The following PCNT variants were observed in gnomAD, a reference collection of about 807,000 sequenced individuals.
The protein encoded by PCNT is pericentrin.
In PCNT, 319 loss-of-function variants were observed where a neutral mutation model predicts 380.4. That is an observed-to-expected ratio of 0.84 (90% CI 0.77 to 0.92). PCNT has a LOEUF of 0.92. Ranked by LOEUF, PCNT falls within the 40% of genes least tolerant of loss-of-function variation. PCNT has a pLI of 0.00. For synonymous variants in PCNT, 1,845 were observed against 1,735.2 expected (o/e 1.06, Z -1.57); for missense variants, 4,400 against 4,255.3 (o/e 1.03, Z -0.95).
chr21:46,369,903 C>T (rs1026081412), intron 15 of PCNT, among the ~76,000 whole-genome samples: 1 of 152,178 alleles, frequency 6.6e-6, no homozygotes, highest in Non-Finnish European at 1.5e-5. Context: ...CAGAGATGTA[C>T]GCTGCCAAGA....
chr21:46,332,516 A>G (rs2083590602), intron 2 of PCNT, among the ~76,000 whole-genome samples: 1 of 152,238 alleles, frequency 6.6e-6, no homozygotes, highest in Non-Finnish European at 1.5e-5. Context: ...AAGGAAGTGG[A>G]TGGTCCAGGT....
At chr21:46,401,758 G>T in intron 26 of PCNT, 37 bp downstream of exon 26, 1 of 1,610,232 alleles carries the variant, frequency 6.2e-7, no homozygotes, top group South Asian at 1.1e-5. Context: ...TGCCAGCCCT[G>T]GGTCAGTGTC....
intron 41 of PCNT, among the ~76,000 whole-genome samples, chr21:46,439,272 C>G (rs1032186640): frequency 2.6e-5 from 4 of 152,170 alleles, no homozygotes; most frequent in Admixed American, 6.5e-5. Context: ...GGCCCTGGCT[C>G]TCTCCCAGAA....
At chr21:46,430,951 C>T (rs1461849639) in intron 37 of PCNT, 1 of 985,282 alleles carries the variant, frequency 1.0e-6, no homozygotes, top group Non-Finnish European at 1.2e-6. Context: ...TCGCTGGCAT[C>T]CAGACAGAGC....
intron 46 of PCNT, 34 bp downstream of exon 46, chr21:46,444,855 T>G: frequency 6.2e-7 from 1 of 1,602,754 alleles, no homozygotes; most frequent in East Asian, 2.2e-5. Context: ...TTTATTAAGC[T>G]GATTATCACT....
chr21:46,397,563 A>G, intron 22 of PCNT, 69 bp downstream of exon 22: 2 of 1,301,092 alleles, frequency 1.5e-6, no homozygotes, highest in Non-Finnish European at 2.2e-6. Context: ...ACTTCTTTCC[A>G]GATCGTTACG....
chr21:46,430,912 C>T, intron 37 of PCNT: 4 of 981,220 alleles, frequency 4.1e-6, no homozygotes, highest in Non-Finnish European at 4.8e-6. Context: ...CGTCCCTGAG[C>T]ACTTGCTGTG....
rs2087775624 is a variant in PCNT, at chr21:46,431,809, A to G, written c.8345A>G (p.Gln2782Arg). 3.1e-6 allele frequency: 5 copies of G among 1,613,680 alleles called. No individual in the cohort carries two copies. The East Asian group carries it at 1.1e-4, about 36-fold the overall frequency. Reference protein sequence around the residue: ...SQRTQEACVHQDTQAHHALLQ... With the variant: ...SQRTQEACVHRDTQAHHALLQ... ...AGGACACAGGAGGCTTGCGTGCACC[A>G]GGACACACAGGCCCATCACGCTCTG... Residue 2782 changes from glutamine to arginine, a missense_variant, in exon 38 of 47, where the codon CAG (glutamine) becomes CGG (arginine). Coordinates refer to ENST00000359568, the MANE Select transcript of PCNT (RefSeq NM_006031.6).
rs1288558445 is a variant in PCNT, at chr21:46,436,979, G to C, written c.8997G>C (p.Arg2999Ser). The change falls in exon 40 of 47, where the codon AGG becomes AGC. Residue 2999 changes from arginine (R) to serine (S), a missense_variant and splice_region_variant. Transcript: ENST00000359568. ...LTSFTSQAVD[R>S]TVNDWTSSNE... ...TTTGAGTGCCCATTTATTTTTACAG[G>C]ACAGTTAATGATTGGACGTCATCCA... 6.2e-7 allele frequency: 1 copy of C among 1,610,916 alleles called. No individual in the cohort carries two copies. The highest frequency in any genetic ancestry group is 8.5e-7 in the Non-Finnish European group (1 of 1,177,064).
chr21:46,427,745 G>C lies in PCNT; in HGVS notation c.7444G>C (p.Gly2482Arg). 6.2e-7 allele frequency: 1 copy of C among 1,613,814 alleles called. No homozygotes were observed. The highest frequency in any genetic ancestry group is 8.5e-7 in the Non-Finnish European group (1 of 1,180,032). ...LQPRLSGSDL[G>R]GHSSLLERLE... Reference sequence around the variant, plus strand: ...GCCCCGACTCAGTGGCTCAGATCTGGGGGGTCACAGCTCCCTGCTCGAAAG... The same window carrying C: ...GCCCCGACTCAGTGGCTCAGATCTGCGGGGTCACAGCTCCCTGCTCGAAAG... Residue 2482 changes from glycine to arginine, a missense_variant, in exon 34 of 47, where the codon GGG becomes CGG. Transcript: ENST00000359568.
intron 3 of PCNT, among the ~76,000 whole-genome samples, chr21:46,337,316 A>G (rs1601768779): frequency 6.6e-6 from 1 of 152,066 alleles, no homozygotes; most frequent in African/African-American, 2.4e-5. Flanking sequence ...CTGTAAGTGT[A>G]TAATAGTTTC....
chr21:46,334,122 G>A (rs1024320482), intron 2 of PCNT, among the ~76,000 whole-genome samples: 8 of 150,830 alleles, frequency 5.3e-5, no homozygotes, highest in South Asian at 2.1e-4. Context: ...GGGGAATGGC[G>A]TGAACCCAGG....
chr21:46,368,411 G>A (rs1253793666), intron 15 of PCNT, among the ~76,000 whole-genome samples: 2 of 151,962 alleles, frequency 1.3e-5, no homozygotes, highest in African/African-American at 4.8e-5. Flanking sequence ...TCGCACCAGT[G>A]CACTCCAGCC....
intron 32 of PCNT, among the ~76,000 whole-genome samples, chr21:46,423,173 T>A (rs1226661835): frequency 6.6e-6 from 1 of 151,750 alleles, no homozygotes; most frequent in Non-Finnish European, 1.5e-5. Context: ...ATTTTTTTTT[T>A]AATCAGTTTT....
At chr21:46,404,002 G>C (rs1266921139) in intron 27 of PCNT, among the ~76,000 whole-genome samples, 1 of 134,748 alleles carries the variant, frequency 7.4e-6, no homozygotes, top group African/African-American at 2.7e-5. Flanking sequence ...CTCGGTGAAT[G>C]AACACAGCGT....
intron 5 of PCNT, 80 bp from the exon 6 acceptor site, chr21:46,347,377 G>A: frequency 1.4e-5 from 20 of 1,414,158 alleles, no homozygotes; most frequent in Non-Finnish European, 2.0e-5. Flanking sequence ...GGGTGCCAGA[G>A]CCTGGTCGTT....
chr21:46,437,136 T>G, intron 40 of PCNT, 55 bp downstream of exon 40: 7 of 1,147,060 alleles, frequency 6.1e-6, no homozygotes, highest in Non-Finnish European at 7.9e-6. Context: ...AGAGGGGCCC[T>G]CTCGGCAGCT....
chr21:46,430,623 T>A lies in PCNT; in HGVS notation c.8030T>A (p.Leu2677Gln). 1 of 1,570,356 alleles carries A rather than the reference T, an allele frequency of 6.4e-7. No individual in the cohort carries two copies. The highest frequency in any genetic ancestry group is 8.6e-7 in the Non-Finnish European group (1 of 1,158,422). Residue 2677 changes from leucine (L) to glutamine (Q), a missense_variant, in exon 37 of 47, where the codon CTG becomes CAG. Physicochemically the swap from Leu to Gln is moderately radical, Grantham distance 113 (BLOSUM62 -2). Coordinates refer to ENST00000359568, the MANE Select transcript of PCNT (RefSeq NM_006031.6). ...SQLEEEQLRH[L>Q]QRESQSAKAL... ...CTGGAGGAGGAGCAGCTGCGGCACC[T>A]GCAGAGGGAGAGCCAGAGTGCCAAG...
intron 27 of PCNT, among the ~76,000 whole-genome samples, chr21:46,404,350 A>G (rs948128631): frequency 6.7e-6 from 1 of 148,950 alleles, no homozygotes; most frequent in Admixed American, 6.7e-5. Flanking sequence ...ATATTTCCCT[A>G]TTAAGGTTCT....
Sources: gnomAD v4.1 joint callset for allele counts (sites outside exome capture counted in the v4.1 genomes callset) on GRCh38, gnomAD v4.1.1 for gene constraint, MANE v1.5 for transcripts, NCBI Gene and HGNC (gene_info 2026-07-23, HGNC 2026-07-21) for gene names.